The following DLG1 variants were observed in gnomAD, a reference collection of about 807,000 sequenced individuals.
DLG1 encodes disks large homolog 1.
In DLG1, 42 loss-of-function variants were observed where a neutral mutation model predicts 123.4. The ratio of observed to expected loss-of-function variants is 0.34; its 90% CI spans 0.27 to 0.44. DLG1 has a LOEUF of 0.44. Among genes scored for constraint, DLG1 ranks in the 20% least tolerant of loss-of-function variants. The pLI is 1.00. For missense variants in DLG1, 942 were observed against 1,082.6 expected, an observed-to-expected ratio of 0.87 and a Z score of 1.82; for synonymous variants, 317 against 356.2, an observed-to-expected ratio of 0.89 and a Z score of 1.24.
chr3:197,190,348 T>C (rs1420396562), intron 5 of DLG1, among the ~76,000 whole-genome samples: 1 of 151,624 alleles, frequency 6.6e-6, no homozygotes, highest in Non-Finnish European at 1.5e-5. Flanking sequence ...CCGTGAATCC[T>C]CGCATACTGT....
chr3:197,075,713 G>A (rs1477505243), intron 18 of DLG1: 7 of 658,718 alleles, frequency 1.1e-5, no homozygotes, highest in Non-Finnish European at 1.2e-5. Flanking sequence ...AATTCTAAAA[G>A]CAATCTAAAT....
chr3:197,149,737 ACT>A lies in DLG1; in HGVS notation c.537+4_537+5del. 1.9e-6 allele frequency: 3 copies of A among 1,580,296 alleles called. No homozygotes were observed. The highest frequency in any genetic ancestry group is 2.6e-6 in the Non-Finnish European group (3 of 1,149,614). On this transcript the variant is annotated splice_donor_5th_base_variant and intron_variant, in intron 6 of 24. Transcript: ENST00000667157. ...TACTTCAATGTGGGGAGGAAATGGA[ACT>A]TACGTAAGTTGGTGTTTCCAAGCTA...
intron 22 of DLG1, among the ~76,000 whole-genome samples, chr3:197,064,086 A>G (rs1003718182): frequency 6.6e-6 from 1 of 151,018 alleles, no homozygotes; most frequent in African/African-American, 2.4e-5. Context: ...CGCCAAGTTA[A>G]TTTTTGTATT....
At position 197,065,395 on chromosome 3, in the gene DLG1, C is replaced by G. The variant is rs756095854; in HGVS notation, c.2254G>C (p.Val752Leu). 1 of 1,612,680 alleles carries G rather than the reference C, an allele frequency of 6.2e-7. No individual in the cohort carries two copies. Among genetic ancestry groups the G allele is most frequent in the Non-Finnish European group, 8.5e-7 (1 of 1,179,554 alleles). ...YEVDGRDYHF[V>L]TSREQMEKDI... ...TTTTCCATCTGCTCTCTTGAAGTCA[C>G]AAAATGATAATCTCTTCCATCTACC... Residue 752 changes from valine (V) to leucine (L), a missense_variant, in exon 22 of 25, where the codon GTG becomes CTG. By Grantham distance (32) the Val-to-Leu change is conservative (BLOSUM62 1). Coordinates refer to ENST00000667157, the MANE Select transcript of DLG1 (RefSeq NM_001366207.1).
At chr3:197,223,643 T>C (rs536116689) in intron 4 of DLG1, among the ~76,000 whole-genome samples, 3 of 152,370 alleles carry the variant, frequency 2.0e-5, no homozygotes, top group South Asian at 2.1e-4. Flanking sequence ...TTAGAAGTAC[T>C]GTTAGAAAAT....
intron 4 of DLG1, among the ~76,000 whole-genome samples, chr3:197,277,561 G>A (rs1767082721): frequency 6.6e-6 from 1 of 151,976 alleles, no homozygotes; most frequent in Admixed American, 6.6e-5. Flanking sequence ...GGCTGGTCTT[G>A]AACTCCTGAC....
chr3:197,158,088 C>T (rs566654164), intron 5 of DLG1, among the ~76,000 whole-genome samples: 2 of 151,974 alleles, frequency 1.3e-5, no homozygotes, highest in Admixed American at 6.6e-5. Flanking sequence ...TAAAACTCGA[C>T]GATAAAACCA....
At chr3:197,055,674 G>A (rs1292852350) in intron 23 of DLG1, among the ~76,000 whole-genome samples, 1 of 152,186 alleles carries the variant, frequency 6.6e-6, no homozygotes, top group East Asian at 1.9e-4. Context: ...GCCCCCAAAA[G>A]GGGAGGGGGA....
intron 15 of DLG1, among the ~76,000 whole-genome samples, chr3:197,088,666 T>A (rs1755846568): frequency 2.0e-5 from 3 of 152,190 alleles, no homozygotes; most frequent in Admixed American, 1.3e-4. Flanking sequence ...TAGTCTAGAC[T>A]GGAGCATAAA....
chr3:197,292,385 G>C (rs189757534), intron 3 of DLG1, among the ~76,000 whole-genome samples: 1 of 152,280 alleles, frequency 6.6e-6, no homozygotes, highest in Admixed American at 6.5e-5. Flanking sequence ...ATACTTCTAT[G>C]AGGTTTCTAA....
intron 4 of DLG1, among the ~76,000 whole-genome samples, chr3:197,240,305 C>G (rs1192362816): frequency 1.3e-5 from 2 of 152,166 alleles, no homozygotes; most frequent in Non-Finnish European, 2.9e-5. Flanking sequence ...TTGGAATCTC[C>G]CTCATTCGGG....
At chr3:197,139,899 C>A (rs1350847903) in intron 8 of DLG1, among the ~76,000 whole-genome samples, 2 of 152,160 alleles carry the variant, frequency 1.3e-5, no homozygotes, top group East Asian at 3.8e-4. Context: ...TTTAAACCAT[C>A]AACCAAATTT....
rs1460257113 is a variant in DLG1 at position 197,211,418 on chromosome 3, T to C, written c.319-16829A>G. 3.4e-5 allele frequency among the ~76,000 whole-genome samples: 5 copies of C among 146,400 alleles called. No homozygotes were observed. In the East Asian group the frequency reaches 7.8e-4, roughly 23 times the overall value. ...CAAAATACTTAAAAACTGAATCCTG[T>C]AGCACATTAAAAAGCTAAACCGCCA... is the stretch of plus-strand genomic sequence containing the variant. On this transcript the variant is annotated intron_variant, in intron 4 of 24. Transcript: ENST00000667157.
intron 4 of DLG1, among the ~76,000 whole-genome samples, chr3:197,239,677 C>T (rs1291309758): frequency 1.3e-5 from 2 of 151,942 alleles, no homozygotes; most frequent in Admixed American, 6.6e-5. Context: ...AATCAACATA[C>T]AAAAATTAAT....
chr3:197,046,495 T>G (rs1723171786), intron 24 of DLG1, among the ~76,000 whole-genome samples: 1 of 152,212 alleles, frequency 6.6e-6, no homozygotes, highest in Non-Finnish European at 1.5e-5. Flanking sequence ...TTCATTGCTA[T>G]TCCTGCCCCA....
chr3:197,100,848 C>T (rs1235154623), intron 14 of DLG1, among the ~76,000 whole-genome samples: 1 of 152,064 alleles, frequency 6.6e-6, no homozygotes, highest in Non-Finnish European at 1.5e-5. Context: ...GTCTGATGGC[C>T]CCGAAGAATG....
intron 4 of DLG1, among the ~76,000 whole-genome samples, chr3:197,261,390 T>C (rs1368029659): frequency 2.0e-5 from 3 of 152,230 alleles, no homozygotes; most frequent in African/African-American, 7.2e-5. Context: ...TGCAGTGAGC[T>C]GTAATTGCAG....
At chr3:197,262,086 A>G (rs1239141481) in intron 4 of DLG1, among the ~76,000 whole-genome samples, 1 of 152,182 alleles carries the variant, frequency 6.6e-6, no homozygotes, top group Non-Finnish European at 1.5e-5. Context: ...GTTCATGACA[A>G]GCCCTTTGGA....
chr3:197,126,348 T>A (rs990507119), intron 11 of DLG1, among the ~76,000 whole-genome samples: 2 of 151,970 alleles, frequency 1.3e-5, no homozygotes, highest in African/African-American at 2.4e-5. Context: ...TGGTGGCGCA[T>A]GCCTGTAATC....
Sources: allele counts gnomAD v4.1 joint callset (sites outside exome capture counted in the v4.1 genomes callset), GRCh38; gene constraint gnomAD v4.1.1; transcripts MANE v1.5; gene names NCBI Gene and HGNC (gene_info 2026-07-23, HGNC 2026-07-21).